Variants in NDUFA10 observed in about 807,000 individuals in gnomAD.
NDUFA10 encodes NADH:ubiquinone oxidoreductase subunit A10, also known as NADH dehydrogenase [ubiquinone] 1 alpha subcomplex subunit 10, mitochondrial.
A neutral mutation model predicts 47.8 loss-of-function variants in NDUFA10; 40 were observed. The ratio of observed to expected loss-of-function variants is 0.84; its 90% CI spans 0.65 to 1.09. The LOEUF (loss-of-function observed/expected upper bound fraction) is 1.09. Ranked by LOEUF, NDUFA10 falls within the 50% of genes least tolerant of loss-of-function variation. NDUFA10 has a pLI of 0.00. For synonymous variants in NDUFA10, 183 were observed against 172.2 expected (o/e 1.06, Z -0.49); for missense variants, 413 against 451.1 (o/e 0.92, Z 0.76).
intron 4 of NDUFA10, among the ~76,000 whole-genome samples, chr2:239,916,755 C>T (rs1197854955): frequency 3.3e-5 from 5 of 152,224 alleles, no homozygotes; most frequent in African/African-American, 7.2e-5. Flanking sequence ...GGGACAGGTG[C>T]GGAACAGGCG....
chr2:239,941,162 C>T (rs1694354177), intron 4 of NDUFA10, among the ~76,000 whole-genome samples: 1 of 152,208 alleles, frequency 6.6e-6, no homozygotes, highest in Admixed American at 6.5e-5. Flanking sequence ...AACACACAGG[C>T]AATAGACGTA....
At chr2:239,917,157 A>C (rs995046675) in intron 4 of NDUFA10, among the ~76,000 whole-genome samples, 1 of 152,170 alleles carries the variant, frequency 6.6e-6, no homozygotes, top group Non-Finnish European at 1.5e-5. Context: ...GAAAGGGTCC[A>C]GGAAGCCAGA....
intron 4 of NDUFA10, among the ~76,000 whole-genome samples, chr2:239,950,816 A>G (rs1230978153): frequency 6.6e-6 from 1 of 152,122 alleles, no homozygotes; most frequent in African/African-American, 2.4e-5. Context: ...TCACAGAAAC[A>G]CCACACAGCT....
At chr2:239,897,888 C>T (rs920382146) in intron 4 of NDUFA10, among the ~76,000 whole-genome samples, 3 of 152,232 alleles carry the variant, frequency 2.0e-5, no homozygotes, top group Admixed American at 6.5e-5. Context: ...CACGCGCATC[C>T]CCTGGGGCAC....
intron 4 of NDUFA10, among the ~76,000 whole-genome samples, chr2:239,935,969 G>A (rs1301363007): frequency 6.6e-6 from 1 of 152,200 alleles, no homozygotes; most frequent in Non-Finnish European, 1.5e-5. Context: ...TTTCAGAAAC[G>A]CCCTGTGTTG....
chr2:239,919,677 A>G (rs1049189657), intron 4 of NDUFA10, among the ~76,000 whole-genome samples: 1 of 152,160 alleles, frequency 6.6e-6, no homozygotes, highest in African/African-American at 2.4e-5. Context: ...GCCCCATCCT[A>G]AGAGGATCAC....
At chr2:239,965,020 C>T (rs1695002615) in intron 9 of NDUFA10, among the ~76,000 whole-genome samples, 1 of 152,178 alleles carries the variant, frequency 6.6e-6, no homozygotes, top group Non-Finnish European at 1.5e-5. Context: ...TACCCAAACA[C>T]AGGACCAGCC....
chr2:239,936,364 G>A (rs1694266016), intron 4 of NDUFA10, among the ~76,000 whole-genome samples: 1 of 152,240 alleles, frequency 6.6e-6, no homozygotes, highest in African/African-American at 2.4e-5. Context: ...GTAAGTGGGG[G>A]CAGGGAAATA....
rs1697809404 is a variant in NDUFA10, at chr2:240,025,173, CGCCA to C, written c.75+50_75+53del. 1.6e-3 allele frequency: 949 copies of C among 597,484 alleles called. 1 individual carries two copies. The highest frequency in any genetic ancestry group is 2.4e-3 in the Non-Finnish European group (846 of 358,446). 37.0% of individuals were successfully genotyped at this position (597,484 alleles called of 1,614,324 possible). A position where few individuals can be genotyped will look rare whatever the true frequency, so the allele number is the denominator to read the frequency against. On this transcript the variant is annotated intron_variant, in intron 1 of 9. Coordinates refer to ENST00000252711, the MANE Select transcript of NDUFA10 (RefSeq NM_004544.4). ...GGAGATGTGGAACTGCTCCCCACCC[CGCCA>C]CCCCGCCACCCTGCCACCCCGCCAC...
At chr2:239,940,640 T>G (rs4241306) in intron 4 of NDUFA10, among the ~76,000 whole-genome samples, 49,161 of 152,166 alleles carry the variant, frequency 0.32, 8,140 homozygotes, top group Non-Finnish European at 0.36. Flanking sequence ...GGAACACATT[T>G]GAAATTTAGT....
At chr2:239,905,226 T>A (rs1693625213) in intron 4 of NDUFA10, among the ~76,000 whole-genome samples, 1 of 152,062 alleles carries the variant, frequency 6.6e-6, no homozygotes, top group Non-Finnish European at 1.5e-5. Flanking sequence ...GAAGACCCCC[T>A]CTAACTGCAC....
At chr2:239,970,434 G>C (rs1488049506) in intron 9 of NDUFA10, among the ~76,000 whole-genome samples, 1 of 152,180 alleles carries the variant, frequency 6.6e-6, no homozygotes, top group African/African-American at 2.4e-5. Flanking sequence ...GATGATGCCG[G>C]GTGGAAACTC....
intron 4 of NDUFA10, among the ~76,000 whole-genome samples, chr2:239,929,845 T>C (rs1387168827): frequency 3.6e-3 from 117 of 32,206 alleles, no homozygotes; most frequent in African/African-American, 4.0e-3. Flanking sequence ...GGCCCTGCTC[T>C]CCCACTGCCC....
chr2:239,899,176 A>T (rs187142496), intron 4 of NDUFA10, among the ~76,000 whole-genome samples: 20 of 3,236 alleles, frequency 6.2e-3, no homozygotes, highest in African/African-American at 0.021. Flanking sequence ...AGGGGTGTAA[A>T]GGAGGGGTGT....
At chr2:239,955,381 CATT>C (rs1355845358), downstream of NDUFA10, among the ~76,000 whole-genome samples, 4 of 152,148 alleles carry the variant, frequency 2.6e-5, no homozygotes, top group Admixed American at 2.6e-4. Flanking sequence ...AGAGAAGGAC[CATT>C]AGACAGCCGT....
At chr2:240,001,659 T>G (rs1442170702) in intron 8 of NDUFA10, among the ~76,000 whole-genome samples, 1 of 152,226 alleles carries the variant, frequency 6.6e-6, no homozygotes, top group Non-Finnish European at 1.5e-5. Context: ...ACTTTTATTT[T>G]CTCCTCTTGG....
At chr2:239,999,022 A>G (rs1299407770) in intron 8 of NDUFA10, among the ~76,000 whole-genome samples, 2 of 152,162 alleles carry the variant, frequency 1.3e-5, no homozygotes, top group Non-Finnish European at 2.9e-5. Context: ...CATGGAGCTG[A>G]GCTGCTGGCA....
chr2:240,009,149 T>C (rs1257331537), intron 6 of NDUFA10, among the ~76,000 whole-genome samples: 2 of 152,174 alleles, frequency 1.3e-5, no homozygotes, highest in South Asian at 4.1e-4. Context: ...CCCCAGCTCC[T>C]CACCCACCTT....
At chr2:240,011,860 TAG>T in intron 5 of NDUFA10, 164 bp from the exon 6 acceptor site, 1 of 681,626 alleles carries the variant, frequency 1.5e-6, no homozygotes, top group Non-Finnish European at 2.7e-6. Context: ...CAACATCAGC[TAG>T]AGTCATTCTC....
Sources: allele counts gnomAD v4.1 joint callset (sites outside exome capture counted in the v4.1 genomes callset), GRCh38; gene constraint gnomAD v4.1.1; transcripts MANE v1.5; gene names NCBI Gene and HGNC (gene_info 2026-07-23, HGNC 2026-07-21).